ZNF385D: variants seen among roughly 807,000 people sequenced by gnomAD.
ZNF385D encodes the protein zinc finger protein 659.
Under a neutral mutation model 35.8 loss-of-function variants are expected in ZNF385D, and 15 were observed. The ratio of observed to expected loss-of-function variants is 0.42; its 90% CI spans 0.28 to 0.64. ZNF385D has a LOEUF of 0.64. ZNF385D is among the 30% of genes least tolerant of loss of function. The probability of loss-of-function intolerance (pLI) is 0.23; values close to 1 mark genes in which losing one functional copy is unlikely to be tolerated. For synonymous variants in ZNF385D, 212 were observed against 186.8 expected (o/e 1.13, Z -1.10); for missense variants, 474 against 494.6 (o/e 0.96, Z 0.39).
chr3:22,161,529 G>T (rs994938746), intron 3 of ZNF385D, among the ~76,000 whole-genome samples: 5 of 151,978 alleles, frequency 3.3e-5, no homozygotes, highest in African/African-American at 1.2e-4. Flanking sequence ...TTATGAGAGG[G>T]TGAATCATGA....
At chr3:21,639,395 TGACA>T (rs1266166062) in intron 2 of ZNF385D, among the ~76,000 whole-genome samples, 1 of 152,064 alleles carries the variant, frequency 6.6e-6, no homozygotes, top group East Asian at 1.9e-4. Context: ...TTGAATGAAT[TGACA>T]AATACATTAC....
At chr3:21,765,332 A>G (rs1038076630) in intron 3 of ZNF385D, among the ~76,000 whole-genome samples, 1 of 152,022 alleles carries the variant, frequency 6.6e-6, no homozygotes, top group African/African-American at 2.4e-5. Context: ...GGTAACTTTG[A>G]TGTATTTCAG....
chr3:22,291,965 T>C (rs1702323317), intron 2 of ZNF385D, among the ~76,000 whole-genome samples: 1 of 152,044 alleles, frequency 6.6e-6, no homozygotes, highest in Admixed American at 6.6e-5. Flanking sequence ...TCATATAATC[T>C]AGAACTGGTT....
chr3:21,718,446 T>C (rs1294144335), intron 1 of ZNF385D, among the ~76,000 whole-genome samples: 2 of 152,254 alleles, frequency 1.3e-5, no homozygotes, highest in East Asian at 1.9e-4. Context: ...CAACAAGGTA[T>C]GATAACAACG....
rs113820671 is a variant in ZNF385D at position 22,023,757 on chromosome 3, C to A, written c.325+145060G>T. Among the ~76,000 whole-genome samples the A allele has an allele frequency of 3.5e-3, 526 of 151,898 alleles. 3 individuals are homozygous for A. The highest frequency in any genetic ancestry group is 0.012 in the African/African-American group (506 of 41,408). ...ATACAGCAGGTCAAGTCATGTAGATCCTATATTGCTAAAAGGTGCACTTTA... is the reference window on the plus strand; with the variant it reads ...ATACAGCAGGTCAAGTCATGTAGATACTATATTGCTAAAAGGTGCACTTTA... On this transcript the variant is annotated intron_variant, in intron 3 of 5. Coordinates refer to the ZNF385D transcript ENST00000494108.
intron 3 of ZNF385D, among the ~76,000 whole-genome samples, chr3:22,021,116 G>A (rs920728691): frequency 6.6e-6 from 1 of 151,834 alleles, no homozygotes. Flanking sequence ...AAGAGTGAGG[G>A]GGATGGGGTT....
At chr3:22,193,355 G>A (rs1696189061) in intron 2 of ZNF385D, among the ~76,000 whole-genome samples, 1 of 151,876 alleles carries the variant, frequency 6.6e-6, no homozygotes, top group South Asian at 2.1e-4. Context: ...ATTACAAAGT[G>A]ATACAATCAT....
At chr3:21,799,051 A>G (rs1234511376) in intron 3 of ZNF385D, among the ~76,000 whole-genome samples, 20 of 152,182 alleles carry the variant, frequency 1.3e-4, no homozygotes, top group Admixed American at 1.3e-3. Flanking sequence ...GCGGAACTAT[A>G]CAGTACGTGA....
intron 3 of ZNF385D, among the ~76,000 whole-genome samples, chr3:21,992,064 G>A (rs972865847): frequency 6.6e-6 from 1 of 152,150 alleles, no homozygotes; most frequent in Non-Finnish European, 1.5e-5. Context: ...TTATGTAGTT[G>A]CTGTGAGAAT....
At position 22,322,356 on chromosome 3, in the gene ZNF385D, G is replaced by GGATATAGTAATATTCTATTGT. The variant is rs574986877; in HGVS notation, c.106+50073_106+50093dup. Among the ~76,000 whole-genome samples, 190 of 152,020 alleles carry GGATATAGTAATATTCTATTGT rather than the reference G, an allele frequency of 1.2e-3. 7 individuals carry two copies. In the South Asian group the frequency reaches 0.039, roughly 31 times the overall value. ...GTCTACATAGGGAAATATCTTGGCT[G>GGATATAGTAATATTCTATTGT]GATATAGTAATATTCTATTGTAATA... is the stretch of plus-strand genomic sequence containing the variant. On this transcript the variant is annotated intron_variant, in intron 2 of 5. Coordinates refer to the ZNF385D transcript ENST00000494108.
chr3:21,989,476 T>C (rs539847886), intron 3 of ZNF385D, among the ~76,000 whole-genome samples: 2 of 152,318 alleles, frequency 1.3e-5, no homozygotes. Flanking sequence ...GGTTTAGACA[T>C]GTAAAAGACA....
intron 2 of ZNF385D, among the ~76,000 whole-genome samples, chr3:22,248,468 T>C (rs1036282108): frequency 6.6e-6 from 1 of 152,174 alleles, no homozygotes; most frequent in Non-Finnish European, 1.5e-5. Context: ...AGGCAGAATA[T>C]TAAAGGAAAT....
intron 3 of ZNF385D, among the ~76,000 whole-genome samples, chr3:21,517,072 A>T: frequency 9.9e-6 from 1 of 101,176 alleles, no homozygotes; most frequent in East Asian, 3.8e-4. Flanking sequence ...GATTACAGGA[A>T]AAAAAGCTTA....
At chr3:21,767,678 T>TG (rs138345139) in intron 3 of ZNF385D, among the ~76,000 whole-genome samples, 1 of 150,852 alleles carries the variant, frequency 6.6e-6, no homozygotes, top group Non-Finnish European at 1.5e-5. Context: ...AGAGTTAAGG[T>TG]GGGGGGTGGG....
chr3:22,083,254 G>A (rs1362559493), intron 3 of ZNF385D, among the ~76,000 whole-genome samples: 1 of 152,140 alleles, frequency 6.6e-6, no homozygotes, highest in Non-Finnish European at 1.5e-5. Context: ...ACAGAAGTAG[G>A]CTTCAGAAGG....
intron 5 of ZNF385D, chr3:21,431,112 A>G (rs1701274633): frequency 6.6e-6 from 1 of 152,216 alleles, no homozygotes; most frequent in Non-Finnish European, 1.5e-5. Flanking sequence ...TTTTTTAAAT[A>G]TCAGTGATTT....
At chr3:21,901,107 G>C (rs190717816) in intron 3 of ZNF385D, among the ~76,000 whole-genome samples, 1 of 152,140 alleles carries the variant, frequency 6.6e-6, no homozygotes, top group African/African-American at 2.4e-5. Context: ...AAGCAAATTG[G>C]CTGCATTATT....
rs192830393 is a variant in ZNF385D, at chr3:21,664,576, T to C, written c.165+310A>G. Reference sequence around the variant, plus strand: ...AAATTCTAATGTTCTCTCTAATAAATACATTGTTTCAATATGGATGTATAC... The same window carrying C: ...AAATTCTAATGTTCTCTCTAATAAACACATTGTTTCAATATGGATGTATAC... On this transcript the variant is annotated intron_variant, in intron 2 of 7. Transcript: ENST00000281523. 2.6e-3 allele frequency among the ~76,000 whole-genome samples: 399 copies of C among 152,344 alleles called. 3 individuals are homozygous for C. Among genetic ancestry groups the C allele is most frequent in the African/African-American group, 9.3e-3 (388 of 41,594 alleles).
At position 21,939,341 on chromosome 3, in the gene ZNF385D, G is replaced by A. The variant is rs115579621; in HGVS notation, c.325+229476C>T. Among the ~76,000 whole-genome samples, 340 of 152,202 alleles carry A rather than the reference G, an allele frequency of 2.2e-3. 2 individuals are homozygous for A. The highest frequency in any genetic ancestry group is 7.7e-3 in the African/African-American group (321 of 41,546). On this transcript the variant is annotated intron_variant, in intron 3 of 5. Transcript: ENST00000494108. Reference sequence around the variant, plus strand: ...TATTATTTTCTTCATTTTAGGGAACGTAAGGAATTTCTCAAAGACCATTCA... The same window carrying A: ...TATTATTTTCTTCATTTTAGGGAACATAAGGAATTTCTCAAAGACCATTCA...
Sources: allele counts gnomAD v4.1 joint callset (sites outside exome capture counted in the v4.1 genomes callset), GRCh38; gene constraint gnomAD v4.1.1; transcripts MANE v1.5; gene names NCBI Gene and HGNC (gene_info 2026-07-23, HGNC 2026-07-21).